The following KCND2 variants were observed in gnomAD, a reference collection of about 807,000 sequenced individuals.
KCND2 encodes the protein A-type voltage-gated potassium channel KCND2.
In KCND2, 16 loss-of-function variants were observed where a neutral mutation model predicts 54.4. The observed-to-expected ratio is 0.29, with a 90% confidence interval of 0.20 to 0.45. KCND2 has a LOEUF of 0.45. Ranked by LOEUF, KCND2 falls within the 20% of genes least tolerant of loss-of-function variation. The probability of loss-of-function intolerance (pLI) is 1.00; values close to 1 mark genes in which losing one functional copy is unlikely to be tolerated. For synonymous variants in KCND2, 317 were observed against 310.7 expected (o/e 1.02, Z -0.21); for missense variants, 486 against 824.2 (o/e 0.59, Z 5.02).
intron 1 of KCND2, among the ~76,000 whole-genome samples, chr7:120,309,804 T>A (rs1405489650): frequency 6.6e-6 from 1 of 152,086 alleles, no homozygotes; most frequent in Non-Finnish European, 1.5e-5. Context: ...CTAAAAACTC[T>A]CTGTATACAA....
At chr7:120,410,163 A>C (rs1360183203) in intron 1 of KCND2, among the ~76,000 whole-genome samples, 1 of 151,946 alleles carries the variant, frequency 6.6e-6, no homozygotes, top group Non-Finnish European at 1.5e-5. Flanking sequence ...TTTATTAAGC[A>C]TACATTTGCC....
intron 1 of KCND2, among the ~76,000 whole-genome samples, chr7:120,655,462 C>T (rs1377866739): frequency 2.6e-5 from 4 of 151,942 alleles, no homozygotes; most frequent in Admixed American, 2.6e-4. Flanking sequence ...CCTTTCATCA[C>T]AGAAGAGAAA....
chr7:120,693,424 A>G (rs1457323103), intron 1 of KCND2, among the ~76,000 whole-genome samples: 1 of 152,162 alleles, frequency 6.6e-6, no homozygotes, highest in Non-Finnish European at 1.5e-5. Context: ...TCCTCAAGGC[A>G]CTGATTTATT....
chr7:120,299,058 A>C (rs1329611212), intron 1 of KCND2, among the ~76,000 whole-genome samples: 1 of 151,988 alleles, frequency 6.6e-6, no homozygotes, highest in East Asian at 1.9e-4. Flanking sequence ...TACTCAAGAA[A>C]CTGAGGCAGG....
intron 1 of KCND2, among the ~76,000 whole-genome samples, chr7:120,542,931 C>G (rs1791996711): frequency 6.6e-6 from 1 of 152,062 alleles, no homozygotes; most frequent in Admixed American, 6.6e-5. Flanking sequence ...TTAACTGGAT[C>G]ATTTGACCCA....
intron 1 of KCND2, among the ~76,000 whole-genome samples, chr7:120,324,758 G>C (rs941076943): frequency 1.1e-4 from 16 of 152,082 alleles, no homozygotes; most frequent in East Asian, 5.8e-4. Flanking sequence ...TGTTCTTTTG[G>C]CTTAGGATTG....
chr7:120,507,895 TA>T (rs202113603), intron 1 of KCND2, among the ~76,000 whole-genome samples: 1 of 150,692 alleles, frequency 6.6e-6, no homozygotes, highest in Non-Finnish European at 1.5e-5. Flanking sequence ...TGGCATTTCA[TA>T]AAAAAAAAGC....
chr7:120,360,980 A>G (rs941165410), intron 1 of KCND2, among the ~76,000 whole-genome samples: 1 of 152,108 alleles, frequency 6.6e-6, no homozygotes, highest in African/African-American at 2.4e-5. Context: ...TATAGTATAT[A>G]TTTGTTTAAA....
intron 1 of KCND2, among the ~76,000 whole-genome samples, chr7:120,636,435 T>A (rs1254766946): frequency 1.3e-5 from 2 of 152,160 alleles, no homozygotes; most frequent in East Asian, 3.8e-4. Flanking sequence ...TTCCTTGTAT[T>A]TTAATAATGC....
intron 1 of KCND2, among the ~76,000 whole-genome samples, chr7:120,506,712 G>A (rs1043864054): frequency 2.6e-5 from 4 of 151,844 alleles, no homozygotes; most frequent in Non-Finnish European, 4.4e-5. Flanking sequence ...GTTAGGAAGC[G>A]AGTGATAAAT....
chr7:120,588,312 A>G (rs1046129878), intron 1 of KCND2, among the ~76,000 whole-genome samples: 9 of 152,076 alleles, frequency 5.9e-5, no homozygotes, highest in Admixed American at 2.0e-4. Context: ...TTAAAATACT[A>G]TGAATGATTT....
At chr7:120,480,460 A>G (rs991244346) in intron 1 of KCND2, among the ~76,000 whole-genome samples, 7 of 152,224 alleles carry the variant, frequency 4.6e-5, no homozygotes, top group Non-Finnish European at 8.8e-5. Flanking sequence ...CAGTTTTCAC[A>G]TGGCAAATAA....
chr7:120,519,409 C>T (rs1006415239), intron 1 of KCND2, among the ~76,000 whole-genome samples: 8 of 152,070 alleles, frequency 5.3e-5, no homozygotes, highest in African/African-American at 1.9e-4. Context: ...CGGTAGCTGA[C>T]AGCCAGCAAG....
chr7:120,315,565 C>G (rs1406690047), intron 1 of KCND2, among the ~76,000 whole-genome samples: 1 of 152,134 alleles, frequency 6.6e-6, no homozygotes, highest in Non-Finnish European at 1.5e-5. Context: ...CAGAAAATAA[C>G]ACACGTAGTG....
At chr7:120,673,982 G>A (rs1287810189) in intron 1 of KCND2, among the ~76,000 whole-genome samples, 1 of 150,418 alleles carries the variant, frequency 6.6e-6, no homozygotes, top group Non-Finnish European at 1.5e-5. Context: ...TCAGCTCGCT[G>A]CAACCTCTGC....
intron 1 of KCND2, among the ~76,000 whole-genome samples, chr7:120,331,354 T>C (rs368539072): frequency 1.6e-4 from 25 of 152,134 alleles, no homozygotes; most frequent in African/African-American, 4.6e-4. Context: ...CCCTTTGCTT[T>C]TCCTTTCTTC....
chr7:120,459,073 T>C (rs1019669036), intron 1 of KCND2, among the ~76,000 whole-genome samples: 1 of 152,056 alleles, frequency 6.6e-6, no homozygotes. Flanking sequence ...TTGAAATGCA[T>C]ATACCTCAGA....
chr7:120,286,378 C>T (rs890535308), intron 1 of KCND2, among the ~76,000 whole-genome samples: 3 of 151,766 alleles, frequency 2.0e-5, no homozygotes, highest in Non-Finnish European at 2.9e-5. Context: ...TCTTATTTTG[C>T]TGGGAAACAT....
intron 1 of KCND2, among the ~76,000 whole-genome samples, chr7:120,635,089 AGT>A (rs1793287585): frequency 6.6e-6 from 1 of 152,240 alleles, no homozygotes. Context: ...TTCTTCTGCT[AGT>A]AAATAACTTT....
Sources: allele counts gnomAD v4.1 joint callset (sites outside exome capture counted in the v4.1 genomes callset), GRCh38; gene constraint gnomAD v4.1.1; transcripts MANE v1.5; gene names NCBI Gene and HGNC (gene_info 2026-07-23, HGNC 2026-07-21).